MBD5: variants seen among roughly 807,000 people sequenced by gnomAD.
MBD5 encodes the protein methyl-CpG-binding domain protein 5.
A neutral mutation model predicts 117.3 loss-of-function variants in MBD5; 13 were observed. The ratio of observed to expected loss-of-function variants is 0.11; its 90% CI spans 0.07 to 0.18. MBD5 has a LOEUF of 0.18. Ranked by LOEUF, MBD5 falls within the 10% of genes least tolerant of loss-of-function variation. MBD5 has a pLI of 1.00. For synonymous variants in MBD5, 727 were observed against 766.4 expected (o/e 0.95, Z 0.85); for missense variants, 1,879 against 2,093.8 (o/e 0.90, Z 2.00).
chr2:148,068,732 G>GT (rs1695273809), intron 1 of MBD5: 1 of 152,294 alleles, frequency 6.6e-6, no homozygotes, highest in South Asian at 2.1e-4. Flanking sequence ...AAGTCAGGAG[G>GT]TGACTGGTGA....
intron 1 of MBD5, among the ~76,000 whole-genome samples, chr2:148,140,535 C>T (rs1197756576): frequency 6.6e-6 from 1 of 152,060 alleles, no homozygotes; most frequent in African/African-American, 2.4e-5. Context: ...GTTTCTTATT[C>T]TATAAAATAA....
chr2:148,464,995 CT>C (rs1432472880), intron 7 of MBD5, among the ~76,000 whole-genome samples: 1 of 151,552 alleles, frequency 6.6e-6, no homozygotes, highest in East Asian at 1.9e-4. Context: ...AGAAGTCAGT[CT>C]TTTTAAAGAT....
intron 1 of MBD5, among the ~76,000 whole-genome samples, chr2:148,106,855 A>C (rs552468300): frequency 1.4e-4 from 22 of 152,118 alleles, no homozygotes; most frequent in African/African-American, 5.1e-4. Flanking sequence ...TGTTTTATTC[A>C]TTTAATTTTG....
At chr2:148,194,989 A>G (rs1698941281) in intron 2 of MBD5, among the ~76,000 whole-genome samples, 1 of 152,204 alleles carries the variant, frequency 6.6e-6, no homozygotes, top group East Asian at 1.9e-4. Flanking sequence ...CATTATAACT[A>G]TTTTAAGATT....
At chr2:148,225,200 G>C (rs894531530) in intron 2 of MBD5, among the ~76,000 whole-genome samples, 1 of 151,932 alleles carries the variant, frequency 6.6e-6, no homozygotes, top group South Asian at 2.1e-4. Flanking sequence ...TTTATGTTTT[G>C]TGTATTAGTT....
chr2:148,458,879 CTTA>C lies in MBD5; in HGVS notation c.113+15_113+17del. Reference sequence around the variant, plus strand: ...TGGAGTGCTTTATGTCAGGTAAGTTCTTATTATTACCTGTGGTACCTGCAAAGT... The same window carrying C: ...TGGAGTGCTTTATGTCAGGTAAGTTCTTATTACCTGTGGTACCTGCAAAGT... On this transcript the variant is annotated intron_variant, in intron 5 of 13. Transcript: ENST00000642680. 1 of 1,601,946 alleles carries C rather than the reference CTTA, an allele frequency of 6.2e-7. No homozygotes were observed. Among genetic ancestry groups the C allele is most frequent in the Non-Finnish European group, 8.6e-7 (1 of 1,169,298 alleles).
intron 4 of MBD5, among the ~76,000 whole-genome samples, chr2:148,451,471 A>C (rs1706726231): frequency 6.6e-6 from 1 of 152,166 alleles, no homozygotes; most frequent in Non-Finnish European, 1.5e-5. Context: ...AGGTACTGTG[A>C]AGGAGCTGTT....
intron 1 of MBD5, among the ~76,000 whole-genome samples, chr2:148,119,984 A>G (rs1214849387): frequency 2.0e-5 from 3 of 152,124 alleles, no homozygotes; most frequent in South Asian, 2.1e-4. Context: ...CACGAACACA[A>G]AAGCTCACTG....
chr2:148,226,008 T>C (rs1699808222), intron 2 of MBD5, among the ~76,000 whole-genome samples: 1 of 152,158 alleles, frequency 6.6e-6, no homozygotes, highest in African/African-American at 2.4e-5. Context: ...GTTTGGGAAG[T>C]TCTCTGTTGC....
At chr2:148,176,348 G>A (rs1217020445) in intron 1 of MBD5, among the ~76,000 whole-genome samples, 1 of 126,650 alleles carries the variant, frequency 7.9e-6, no homozygotes, top group Non-Finnish European at 1.6e-5. Context: ...AATGGTATAT[G>A]TGTATGAATA....
At chr2:148,228,505 T>C (rs1223508526) in intron 2 of MBD5, among the ~76,000 whole-genome samples, 3 of 152,180 alleles carry the variant, frequency 2.0e-5, no homozygotes, top group Non-Finnish European at 2.9e-5. Context: ...TTGCTGGATT[T>C]GGTTTGCCAG....
chr2:148,184,020 T>C (rs1476883505), intron 2 of MBD5, among the ~76,000 whole-genome samples: 1 of 138,454 alleles, frequency 7.2e-6, no homozygotes, highest in Non-Finnish European at 1.6e-5. Context: ...TACATCCTTC[T>C]TAATTTTTTT....
intron 3 of MBD5, among the ~76,000 whole-genome samples, chr2:148,292,494 A>T (rs1701522002): frequency 6.6e-6 from 1 of 152,224 alleles, no homozygotes; most frequent in Non-Finnish European, 1.5e-5. Flanking sequence ...ATCATCAGAA[A>T]TGCAAATCGA....
chr2:148,278,211 T>C (rs561807070), intron 3 of MBD5, among the ~76,000 whole-genome samples: 1 of 152,338 alleles, frequency 6.6e-6, no homozygotes, highest in African/African-American at 2.4e-5. Flanking sequence ...ATTGTTATTA[T>C]GATATTGTGA....
chr2:148,455,122 C>G (rs1706843798), intron 4 of MBD5, among the ~76,000 whole-genome samples: 1 of 152,076 alleles, frequency 6.6e-6, no homozygotes, highest in Admixed American at 6.6e-5. Flanking sequence ...TCAAACTTCT[C>G]TGTATTTTCC....
intron 1 of MBD5, among the ~76,000 whole-genome samples, chr2:148,089,523 A>T (rs1011093326): frequency 1.3e-5 from 2 of 152,174 alleles, no homozygotes; most frequent in Non-Finnish European, 2.9e-5. Context: ...ATAAAATTGG[A>T]AATTAACTCC....
At chr2:148,221,662 C>T (rs1157028666) in intron 2 of MBD5, among the ~76,000 whole-genome samples, 1 of 151,900 alleles carries the variant, frequency 6.6e-6, no homozygotes, top group Non-Finnish European at 1.5e-5. Flanking sequence ...AGTTATTAAC[C>T]CCTAGTCTGA....
At chr2:148,123,911 G>T (rs1240889589) in intron 1 of MBD5, among the ~76,000 whole-genome samples, 19 of 152,184 alleles carry the variant, frequency 1.2e-4, no homozygotes, top group Admixed American at 1.2e-3. Flanking sequence ...CTTCGGTGGT[G>T]ATGGTAATTA....
At chr2:148,061,453 G>A (rs1217023753) in intron 1 of MBD5, among the ~76,000 whole-genome samples, 1 of 151,448 alleles carries the variant, frequency 6.6e-6, no homozygotes, top group Non-Finnish European at 1.5e-5. Context: ...ACATCATATT[G>A]TGCATCTAGT....
Sources: allele counts gnomAD v4.1 joint callset (sites outside exome capture counted in the v4.1 genomes callset), GRCh38; gene constraint gnomAD v4.1.1; transcripts MANE v1.5; gene names NCBI Gene and HGNC (gene_info 2026-07-23, HGNC 2026-07-21).